SATB2: variants seen among roughly 807,000 people sequenced by gnomAD.
SATB2 encodes DNA-binding protein SATB2.
SATB2 carries 1 observed loss-of-function variant against 73.4 expected under a neutral mutation model. That is an observed-to-expected ratio of 0.01 (90% CI 0.00 to 0.06). The LOEUF (loss-of-function observed/expected upper bound fraction) is 0.06, where lower values mean the gene tolerates loss of function less well. SATB2 is among the 10% of genes least tolerant of loss of function. The probability of loss-of-function intolerance (pLI) is 1.00; values close to 1 mark genes in which losing one functional copy is unlikely to be tolerated. For missense variants in SATB2, 459 were observed against 945.8 expected (o/e 0.49, Z 6.75); for synonymous variants, 397 against 367.0 (o/e 1.08, Z -0.93).
chr2:199,430,425 C>G (rs1691468049), intron 3 of SATB2, among the ~76,000 whole-genome samples: 1 of 152,212 alleles, frequency 6.6e-6, no homozygotes, highest in Non-Finnish European at 1.5e-5. Context: ...CGGCTTTCTA[C>G]ATATGCAAAA....
At position 199,311,227 on chromosome 2, in the gene SATB2, C is replaced by G. The variant is rs1687585435; in HGVS notation, c.1543-2270G>C. ...GAACTTCCTCAAATCCCTGATGGAG[C>G]TGAGCTAATAGCATGTTTAAGGGAA... On this transcript the variant is annotated intron_variant, in intron 9 of 10. Transcript: ENST00000417098. Among the ~76,000 whole-genome samples, 6 of 152,162 alleles carry G rather than the reference C, an allele frequency of 3.9e-5. 1 individual carries two copies. The South Asian group carries it at 1.2e-3, about 32-fold the overall frequency.
At chr2:199,440,208 G>A (rs1016934923) in intron 2 of SATB2, among the ~76,000 whole-genome samples, 1 of 152,152 alleles carries the variant, frequency 6.6e-6, no homozygotes, top group Non-Finnish European at 1.5e-5. Context: ...TGGGGTCTCA[G>A]GAAAAATTTC....
At chr2:199,375,262 A>C (rs1689566058) in intron 5 of SATB2, among the ~76,000 whole-genome samples, 1 of 152,192 alleles carries the variant, frequency 6.6e-6, no homozygotes, top group Non-Finnish European at 1.5e-5. Flanking sequence ...AGGTCTGCTA[A>C]ATTAGGATGC....
At position 199,349,404 on chromosome 2, in the gene SATB2, T is replaced by C. The variant is rs181617063; in HGVS notation, c.701-231A>G. Among the ~76,000 whole-genome samples the C allele has an allele frequency of 1.3e-3, 193 of 152,322 alleles. 2 individuals are homozygous for C. Among genetic ancestry groups the C allele is most frequent in the Middle Eastern group, 0.01 (3 of 294 alleles). On this transcript the variant is annotated intron_variant, in intron 6 of 10. Transcript: ENST00000417098. Reference sequence around the variant, plus strand: ...TAAAATTATTTGCCACTTCAATTAGTTAAAATTCTTAAAAGTAAGCATTTC... The same window carrying C: ...TAAAATTATTTGCCACTTCAATTAGCTAAAATTCTTAAAAGTAAGCATTTC...
chr2:199,425,661 T>A (rs1185880733), intron 3 of SATB2, among the ~76,000 whole-genome samples: 3 of 152,132 alleles, frequency 2.0e-5, no homozygotes, highest in African/African-American at 7.2e-5. Flanking sequence ...AATATTTCCA[T>A]CAGCTGACCT....
intron 9 of SATB2, among the ~76,000 whole-genome samples, chr2:199,314,346 G>GCCTGTCAAGCAAA (rs1246716757): frequency 6.6e-6 from 1 of 151,306 alleles, no homozygotes; most frequent in African/African-American, 2.5e-5. Context: ...AATTCAGAAA[G>GCCTGTCAAGCAAA]TTATTGTTTG....
chr2:199,330,164 T>C (rs1688147291), intron 7 of SATB2, among the ~76,000 whole-genome samples: 1 of 152,150 alleles, frequency 6.6e-6, no homozygotes, highest in Non-Finnish European at 1.5e-5. Flanking sequence ...AGGCAATGGA[T>C]GTAAGAGGAA....
chr2:199,457,088 C>G lies in SATB2; in HGVS notation c.-60+251G>C, dbSNP rs1452060349. ...GTACTGCGTGCGCGCTGGGAATCCT[C>G]GTGGGCGCTCTGGCCGCGCGAGCAG... On this transcript the variant is annotated intron_variant, in intron 1 of 10. Coordinates refer to ENST00000417098, the MANE Select transcript of SATB2 (RefSeq NM_001172509.2). This position sits in a 1 kb window ranked among gnomAD's most constrained non-coding sequence, Gnocchi z 4.8. Among the ~76,000 whole-genome samples the G allele has an allele frequency of 6.6e-6, 1 of 152,166 alleles. No homozygotes were observed. Among genetic ancestry groups the G allele is most frequent in the East Asian group, 1.9e-4 (1 of 5,168 alleles).
intron 2 of SATB2, among the ~76,000 whole-genome samples, chr2:199,434,110 G>A (rs550004531): frequency 4.6e-5 from 7 of 152,006 alleles, no homozygotes; most frequent in South Asian, 4.1e-4. Context: ...TCCCTCTTAC[G>A]TGCTGTTGTT....
chr2:199,349,994 T>A (rs1204444353), intron 6 of SATB2, among the ~76,000 whole-genome samples: 1 of 152,166 alleles, frequency 6.6e-6, no homozygotes, highest in African/African-American at 2.4e-5. Flanking sequence ...CATAGCCAAA[T>A]CCTTATCCAA....
At chr2:199,344,991 C>A (rs891715933) in intron 7 of SATB2, among the ~76,000 whole-genome samples, 3 of 152,178 alleles carry the variant, frequency 2.0e-5, no homozygotes, top group Non-Finnish European at 4.4e-5. Context: ...AACTTCTCAG[C>A]TTTCCACAAG....
chr2:199,456,663 T>G (rs1692284429), intron 1 of SATB2, among the ~76,000 whole-genome samples: 1 of 152,152 alleles, frequency 6.6e-6, no homozygotes, highest in Admixed American at 6.5e-5. Flanking sequence ...CTGCATAAAA[T>G]CAACCCTAAT....
chr2:199,381,125 G>A (rs1361057716), intron 4 of SATB2, among the ~76,000 whole-genome samples: 1 of 152,114 alleles, frequency 6.6e-6, no homozygotes, highest in African/African-American at 2.4e-5. Context: ...GAGATATCTT[G>A]TTCCAGATGC....
chr2:199,438,092 A>T (rs1215423876), intron 2 of SATB2, among the ~76,000 whole-genome samples: 1 of 152,180 alleles, frequency 6.6e-6, no homozygotes. Flanking sequence ...GATTTTAATG[A>T]CTTAATAACA....
chr2:199,302,705 C>T (rs927036456), intron 10 of SATB2, among the ~76,000 whole-genome samples: 2 of 152,162 alleles, frequency 1.3e-5, no homozygotes, highest in African/African-American at 4.8e-5. Context: ...AATTTGTAAA[C>T]ATTCTTAATG....
rs1434557334 is a variant in SATB2, at chr2:199,380,391, T to C, written c.570A>G (p.Thr190=). The C allele has an allele frequency of 3.1e-6, 5 of 1,613,876 alleles. No homozygotes were observed. Among genetic ancestry groups the C allele is most frequent in the Non-Finnish European group, 4.2e-6 (5 of 1,179,850 alleles). ...GGGAGAGAGGGCATTCTTTGGCTAA[T>C]GTGCTCTGGTTCATCTCTTTGAGCA... The part of the protein sequence containing the change: ...KELLKEMNQS[T]LAKECPLSQS... Residue 190 remains threonine, a synonymous_variant, in exon 5 of 11, where the codon ACA becomes ACG. Transcript: ENST00000417098.
At chr2:199,296,288 T>A (rs1693029362) in intron 10 of SATB2, among the ~76,000 whole-genome samples, 1 of 152,204 alleles carries the variant, frequency 6.6e-6, no homozygotes, top group Non-Finnish European at 1.5e-5. Flanking sequence ...GCACCCTCAT[T>A]AAAATACTCA....
chr2:199,276,080 C>A (rs966877617), intron 10 of SATB2, among the ~76,000 whole-genome samples: 3 of 152,134 alleles, frequency 2.0e-5, no homozygotes, highest in African/African-American at 7.2e-5. Flanking sequence ...GCTCTCTAGC[C>A]AATTGCTAAG....
rs779003813 is a variant in SATB2 at position 199,323,781 on chromosome 2, T to C, written c.1542+22A>G. 1.9e-6 allele frequency: 3 copies of C among 1,612,798 alleles called. No individual in the cohort carries two copies. The Admixed American group carries it at 5.0e-5, about 27-fold the overall frequency. Reference sequence around the variant, plus strand: ...AGGATCTAATTCCAGCCCTCGATTTTGCTTTTTTAAAAACCACTCACCTGA... The same window carrying C: ...AGGATCTAATTCCAGCCCTCGATTTCGCTTTTTTAAAAACCACTCACCTGA... On this transcript the variant is annotated intron_variant, in intron 9 of 10. Transcript: ENST00000417098.
Sources: allele counts gnomAD v4.1 joint callset (sites outside exome capture counted in the v4.1 genomes callset), GRCh38; gene constraint gnomAD v4.1.1; non-coding constraint Gnocchi (gnomAD v3.1); transcripts MANE v1.5; gene names NCBI Gene and HGNC (gene_info 2026-07-23, HGNC 2026-07-21).